The following CTNNA3 variants were observed in gnomAD, a reference collection of about 807,000 sequenced individuals.
CTNNA3 encodes catenin alpha 3.
In CTNNA3, 76 loss-of-function variants were observed where a neutral mutation model predicts 95.7. The observed-to-expected ratio is 0.79, with a 90% CI of 0.66 to 0.96. The LOEUF is 0.96. Ranked by LOEUF, CTNNA3 falls within the 40% of genes least tolerant of loss-of-function variation. The probability of loss-of-function intolerance (pLI) is 0.00; values close to 1 mark genes in which losing one functional copy is unlikely to be tolerated. For synonymous variants in CTNNA3, 431 were observed against 374.4 expected (o/e 1.15, Z -1.74); for missense variants, 1,191 against 1,089.8 (o/e 1.09, Z -1.31).
intron 10 of CTNNA3, among the ~76,000 whole-genome samples, chr10:66,597,699 C>G (rs1321171008): frequency 2.7e-5 from 4 of 150,850 alleles, no homozygotes; most frequent in African/African-American, 9.7e-5. Context: ...AACTTGCAGG[C>G]ACAGGAGAGT....
chr10:67,375,494 T>A (rs771777144), intron 5 of CTNNA3, among the ~76,000 whole-genome samples: 7 of 152,014 alleles, frequency 4.6e-5, no homozygotes, highest in South Asian at 2.1e-4. Context: ...GTTACTGTAA[T>A]CCCAGCTACT....
intron 7 of CTNNA3, among the ~76,000 whole-genome samples, chr10:66,919,976 T>C (rs1846705355): frequency 6.6e-6 from 1 of 152,148 alleles, no homozygotes; most frequent in African/African-American, 2.4e-5. Context: ...ACACAGAATA[T>C]CAATGGTGTA....
chr10:66,448,010 G>A (rs1456086813), intron 11 of CTNNA3, among the ~76,000 whole-genome samples: 1 of 152,140 alleles, frequency 6.6e-6, no homozygotes, highest in Non-Finnish European at 1.5e-5. Context: ...TCAAAAAGTG[G>A]GCGAAGGATA....
chr10:67,608,415 CTGTTT>C (rs1843350175), intron 2 of CTNNA3, among the ~76,000 whole-genome samples: 2 of 151,962 alleles, frequency 1.3e-5, no homozygotes, highest in African/African-American at 4.8e-5. Context: ...TCATTTTTGA[CTGTTT>C]TATCAAAGTT....
chr10:66,314,535 TGGCAGAG>T (rs1476509505), intron 12 of CTNNA3, among the ~76,000 whole-genome samples: 6 of 152,098 alleles, frequency 3.9e-5, no homozygotes, highest in African/African-American at 1.4e-4. Context: ...TCTTGAAGTA[TGGCAGAG>T]AAAACTCTAA....
chr10:66,597,532 ATATATATATATATATATATATATT>A (rs1315623945), intron 10 of CTNNA3, among the ~76,000 whole-genome samples: 1 of 126,124 alleles, frequency 7.9e-6, no homozygotes, highest in African/African-American at 3.0e-5. Context: ...ATATATATAT[ATATATATATATATATATATATATT>A]TATTAAAAAT....
At chr10:66,336,800 C>T (rs1316211937) in intron 12 of CTNNA3, among the ~76,000 whole-genome samples, 1 of 152,080 alleles carries the variant, frequency 6.6e-6, no homozygotes, top group African/African-American at 2.4e-5. Context: ...GCTCTTATAG[C>T]AATGCTTCTC....
intron 9 of CTNNA3, among the ~76,000 whole-genome samples, chr10:66,754,054 G>T (rs1389863084): frequency 6.6e-6 from 1 of 152,040 alleles, no homozygotes; most frequent in Non-Finnish European, 1.5e-5. Flanking sequence ...AGAAATACAA[G>T]GGACCTATAA....
chr10:67,628,320 GA>G (rs1839027698), intron 2 of CTNNA3, among the ~76,000 whole-genome samples: 1 of 150,638 alleles, frequency 6.6e-6, no homozygotes, highest in Non-Finnish European at 1.5e-5. Context: ...TTGAGTATTT[GA>G]AAAACTAAGT....
At chr10:66,012,386 A>G (rs562735989) in intron 15 of CTNNA3, among the ~76,000 whole-genome samples, 9 of 152,202 alleles carry the variant, frequency 5.9e-5, no homozygotes, top group Non-Finnish European at 7.3e-5. Flanking sequence ...ACTAACAGTA[A>G]GTGAACATGA....
At chr10:67,033,858 C>G (rs1450251063) in intron 7 of CTNNA3, among the ~76,000 whole-genome samples, 1 of 152,118 alleles carries the variant, frequency 6.6e-6, no homozygotes. Flanking sequence ...GCAACCTCTG[C>G]CTCCCGGGTT....
At chr10:66,423,817 AT>A (rs2093216940) in intron 11 of CTNNA3, among the ~76,000 whole-genome samples, 1 of 152,214 alleles carries the variant, frequency 6.6e-6, no homozygotes, top group South Asian at 2.1e-4. Flanking sequence ...ATTCTAAAAA[AT>A]AAAGTTGTCT....
intron 7 of CTNNA3, among the ~76,000 whole-genome samples, chr10:66,941,737 G>C (rs1016040603): frequency 6.6e-6 from 1 of 152,192 alleles, no homozygotes; most frequent in Non-Finnish European, 1.5e-5. Flanking sequence ...TTCAAGCCGC[G>C]TGAGCTGAGT....
At position 67,065,230 on chromosome 10, in the gene CTNNA3, G is replaced by A. The variant is rs1856006474; in HGVS notation, c.1047+115087C>T. 2.6e-5 allele frequency among the ~76,000 whole-genome samples: 4 copies of A among 152,210 alleles called. No individual in the cohort carries two copies. In the South Asian group the frequency reaches 6.2e-4, roughly 24 times the overall value. ...CGGGAGACACAGTTTCAAATCCCAC[G>A]TTGACCATACACATGCTGTATGGCC... On this transcript the variant is annotated intron_variant, in intron 7 of 17. Transcript: ENST00000433211.
At chr10:67,304,784 T>C (rs867529701) in intron 5 of CTNNA3, among the ~76,000 whole-genome samples, 12 of 151,962 alleles carry the variant, frequency 7.9e-5, no homozygotes, top group African/African-American at 2.7e-4. Flanking sequence ...CAGGTAGTTA[T>C]AGTTATTAGT....
At chr10:67,602,192 T>TAA (rs5785827) in intron 3 of CTNNA3, among the ~76,000 whole-genome samples, 2,281 of 146,712 alleles carry the variant, frequency 0.016, 43 homozygotes, top group African/African-American at 0.045. Flanking sequence ...CAAATACCTT[T>TAA]AAAAAAAAAA....
At chr10:66,624,914 T>C (rs1243082574) in intron 9 of CTNNA3, among the ~76,000 whole-genome samples, 1 of 152,140 alleles carries the variant, frequency 6.6e-6, no homozygotes, top group Admixed American at 6.6e-5. Flanking sequence ...AGACTTTTTA[T>C]TGGTATTTTG....
intron 6 of CTNNA3, among the ~76,000 whole-genome samples, chr10:67,189,053 G>T (rs1353165296): frequency 2.6e-5 from 4 of 152,070 alleles, no homozygotes; most frequent in Middle Eastern, 3.4e-3. Context: ...AGAAGTCGAG[G>T]TTGTGGTGAG....
At chr10:67,253,215 C>T (rs538322551) in intron 5 of CTNNA3, among the ~76,000 whole-genome samples, 5 of 152,196 alleles carry the variant, frequency 3.3e-5, no homozygotes, top group Admixed American at 1.3e-4. Flanking sequence ...AAGTGACTAA[C>T]GGGCAAGTAG....
Sources: gnomAD v4.1 joint callset for allele counts (sites outside exome capture counted in the v4.1 genomes callset) on GRCh38, gnomAD v4.1.1 for gene constraint, MANE v1.5 for transcripts, NCBI Gene and HGNC (gene_info 2026-07-23, HGNC 2026-07-21) for gene names.